Variants in LURAP1L observed in about 807,000 individuals in gnomAD.
LURAP1L encodes leucine rich adaptor protein 1 like.
Under a neutral mutation model 13.8 loss-of-function variants are expected in LURAP1L, and 12 were observed. The observed-to-expected ratio is 0.87, with a 90% confidence interval of 0.56 to 1.41. The LOEUF (loss-of-function observed/expected upper bound fraction) is 1.41. Among genes scored for constraint, LURAP1L ranks in the 40% most tolerant of loss-of-function variants. The pLI is 0.00. For missense variants in LURAP1L, 375 were observed against 292.9 expected, an observed-to-expected ratio of 1.28 and a Z score of -2.04; for synonymous variants, 139 against 119.2, an observed-to-expected ratio of 1.17 and a Z score of -1.08.
At chr9:12,787,769 A>G (rs1819377877) in intron 1 of LURAP1L, among the ~76,000 whole-genome samples, 1 of 152,140 alleles carries the variant, frequency 6.6e-6, no homozygotes, top group Admixed American at 6.6e-5. Context: ...CGTGTGCCTG[A>G]AAGTCATACG....
intron 1 of LURAP1L, among the ~76,000 whole-genome samples, chr9:12,782,136 A>G (rs1375021136): frequency 3.3e-5 from 5 of 152,160 alleles, no homozygotes; most frequent in Non-Finnish European, 7.4e-5. Context: ...TGTTTGAGCT[A>G]CTTATGTATT....
chr9:12,815,456 T>C (rs1819792291), intron 1 of LURAP1L, among the ~76,000 whole-genome samples: 1 of 152,256 alleles, frequency 6.6e-6, no homozygotes, highest in South Asian at 2.1e-4. Context: ...TTTCTCCTAA[T>C]GAGAAACTAG....
chr9:12,783,777 C>T lies in LURAP1L; in HGVS notation c.312+7750C>T, dbSNP rs372672776. ...TTGGAATAGTTTGGGTAGGATTGTTCTTCTTTAAATGTTTGGTAAAATTCA... is the reference window on the plus strand; with the variant it reads ...TTGGAATAGTTTGGGTAGGATTGTTTTTCTTTAAATGTTTGGTAAAATTCA... On this transcript the variant is annotated intron_variant, in intron 1 of 1. Transcript: ENST00000319264. Among the ~76,000 whole-genome samples the T allele has an allele frequency of 2.1e-5, 3 of 144,238 alleles. 1 individual carries two copies. 94.6% of individuals were successfully genotyped at this position (144,238 alleles called of 152,430 possible). A position where few individuals can be genotyped will look rare whatever the true frequency, so the allele number is the denominator to read the frequency against.
chr9:12,812,352 C>T (rs1450745602), intron 1 of LURAP1L, among the ~76,000 whole-genome samples: 1 of 152,084 alleles, frequency 6.6e-6, no homozygotes, highest in Admixed American at 6.5e-5. Flanking sequence ...AGATTTGATC[C>T]ATAGGTACAT....
chr9:12,775,028 G>A lies in LURAP1L; in HGVS notation c.-688G>A, dbSNP rs1819145451. On this transcript the variant is annotated 5_prime_UTR_variant, in exon 1 of 2. An upstream open reading frame in the 5' UTR gains an earlier in-frame stop. Coordinates refer to ENST00000319264, the MANE Select transcript of LURAP1L (RefSeq NM_203403.2). The stretch of plus-strand genomic sequence containing the variant: ...GAGGCTCAGAGGAACACAATGACTT[G>A]GATCAAACAGCCTAAATGGGAAGAA... The A allele has an allele frequency of 6.6e-6, 1 of 152,206 alleles. No homozygotes were observed. 9.4% of individuals were successfully genotyped at this position (152,206 alleles called of 1,614,324 possible).
chr9:12,786,547 C>CATATATATATATATATATATATAT (rs67654649), intron 1 of LURAP1L, among the ~76,000 whole-genome samples: 16 of 53,028 alleles, frequency 3.0e-4, no homozygotes, highest in East Asian at 1.3e-3. Flanking sequence ...ATATATATGA[C>CATATATATATATATATATATATAT]ATATATATAT....
chr9:12,803,434 G>T (rs551060222), intron 1 of LURAP1L, among the ~76,000 whole-genome samples: 15 of 152,258 alleles, frequency 9.9e-5, no homozygotes, highest in African/African-American at 3.1e-4. Flanking sequence ...AGCTTTCTTC[G>T]CTATTCCCAC....
chr9:12,789,083 A>AG (rs1554657580), intron 1 of LURAP1L, among the ~76,000 whole-genome samples: 1 of 129,748 alleles, frequency 7.7e-6, no homozygotes, highest in African/African-American at 3.3e-5. Context: ...CTCCCCCAGC[A>AG]CCCCCCCAAA....
intron 1 of LURAP1L, among the ~76,000 whole-genome samples, chr9:12,812,726 C>T (rs10960806): frequency 0.2 from 30,805 of 152,000 alleles, 3,490 homozygotes; most frequent in East Asian, 0.3. Flanking sequence ...GTCCTATCTC[C>T]TCAACAATCT....
Position 12,775,700 on chromosome 9 carries a change from C to G in LURAP1L, c.-16C>G, listed in dbSNP as rs554903050. On this transcript the variant is annotated 5_prime_UTR_variant, in exon 1 of 2. Transcript: ENST00000319264. The stretch of plus-strand genomic sequence containing the variant: ...CTGCTGCGTTTTATTACTATTATCG[C>G]CGTTCCGGAAAAGTCATGGAAGACA... 6.4e-7 allele frequency: 1 copy of G among 1,551,694 alleles called. No individual in the cohort carries two copies. The highest frequency in any genetic ancestry group is 8.7e-7 in the Non-Finnish European group (1 of 1,155,424).
At chr9:12,794,265 C>T (rs1288753809) in intron 1 of LURAP1L, among the ~76,000 whole-genome samples, 2 of 152,026 alleles carry the variant, frequency 1.3e-5, no homozygotes, top group African/African-American at 4.8e-5. Context: ...TGAGAATGCT[C>T]AGTAATTTCA....
At chr9:12,805,154 C>A (rs1231963644) in intron 1 of LURAP1L, among the ~76,000 whole-genome samples, 1 of 151,998 alleles carries the variant, frequency 6.6e-6, no homozygotes, top group Non-Finnish European at 1.5e-5. Flanking sequence ...ACTAACAATG[C>A]TTCTGAGGCA....
chr9:12,799,324 T>A (rs1819552654), intron 1 of LURAP1L, among the ~76,000 whole-genome samples: 1 of 152,186 alleles, frequency 6.6e-6, no homozygotes, highest in South Asian at 2.1e-4. Flanking sequence ...AAATCATAAC[T>A]TATGCATTTA....
intron 1 of LURAP1L, among the ~76,000 whole-genome samples, chr9:12,817,817 A>C (rs1819823809): frequency 6.6e-6 from 1 of 152,176 alleles, no homozygotes; most frequent in Non-Finnish European, 1.5e-5. Context: ...TTGTTTGGTG[A>C]ATTGCTCATA....
chr9:12,784,563 G>C (rs2118470822), intron 1 of LURAP1L, among the ~76,000 whole-genome samples: 1 of 152,224 alleles, frequency 6.6e-6, no homozygotes, highest in South Asian at 2.1e-4. Context: ...TCTCTGTGCT[G>C]AGCTTCCTAG....
chr9:12,812,966 G>A (rs2118540486), intron 1 of LURAP1L, among the ~76,000 whole-genome samples: 1 of 151,922 alleles, frequency 6.6e-6, no homozygotes, highest in South Asian at 2.1e-4. Flanking sequence ...TAAAAACTTT[G>A]GTATAAATAT....
intron 1 of LURAP1L, among the ~76,000 whole-genome samples, chr9:12,808,754 G>A (rs1057215772): frequency 6.6e-6 from 1 of 152,078 alleles, no homozygotes; most frequent in Admixed American, 6.5e-5. Context: ...GTAGCTTTGT[G>A]TCTGTCATTC....
chr9:12,779,633 G>A (rs1003174987), intron 1 of LURAP1L, among the ~76,000 whole-genome samples: 1 of 152,148 alleles, frequency 6.6e-6, no homozygotes, highest in Non-Finnish European at 1.5e-5. Context: ...AAGCATTGAG[G>A]TTTATTGAGC....
intron 1 of LURAP1L, among the ~76,000 whole-genome samples, chr9:12,804,346 AT>A (rs5896539): frequency 1.5e-3 from 212 of 141,424 alleles, no homozygotes; most frequent in Admixed American, 8.7e-3. Context: ...TTGTTATCTG[AT>A]TTTTTTTTTT....
Sources: gnomAD v4.1 joint callset for allele counts (sites outside exome capture counted in the v4.1 genomes callset) on GRCh38, gnomAD v4.1.1 for gene constraint, MANE v1.5 for transcripts, NCBI Gene and HGNC (gene_info 2026-07-23, HGNC 2026-07-21) for gene names.